Variants in HMCN1 observed in about 807,000 individuals in gnomAD.
The protein encoded by HMCN1 is hemicentin-1.
In HMCN1, 321 loss-of-function variants were observed where a neutral mutation model predicts 625.9. That is an observed-to-expected ratio of 0.51 (90% confidence interval 0.47 to 0.56). The LOEUF (loss-of-function observed/expected upper bound fraction) is 0.56. HMCN1 is among the 20% of genes least tolerant of loss of function. The probability of loss-of-function intolerance (pLI) is 0.00; values close to 1 mark genes in which losing one functional copy is unlikely to be tolerated. For synonymous variants in HMCN1, 2,425 were observed against 2,417.6 expected (o/e 1.00, Z -0.09); for missense variants, 6,588 against 6,887.3 (o/e 0.96, Z 1.54).
chr1:185,887,512 G>A (rs1006232538), intron 4 of HMCN1, among the ~76,000 whole-genome samples: 2 of 149,016 alleles, frequency 1.3e-5, no homozygotes, highest in Non-Finnish European at 3.0e-5. Context: ...CTGTGTCCAT[G>A]TGATATCATT....
intron 23 of HMCN1, 26 bp downstream of exon 23, chr1:185,993,335 A>G (rs763554518): frequency 2.2e-5 from 35 of 1,611,192 alleles, no homozygotes; most frequent in Non-Finnish European, 2.8e-5. Context: ...AGAACATATG[A>G]CAACCCTGTG....
intron 4 of HMCN1, among the ~76,000 whole-genome samples, chr1:185,899,794 T>C (rs1246066779): frequency 6.6e-6 from 1 of 152,066 alleles, no homozygotes; most frequent in Non-Finnish European, 1.5e-5. Flanking sequence ...TGTAAGTTAC[T>C]ACAGGCAGGC....
intron 2 of HMCN1, among the ~76,000 whole-genome samples, chr1:185,854,325 C>T (rs1662334066): frequency 6.6e-6 from 1 of 152,002 alleles, no homozygotes; most frequent in Non-Finnish European, 1.5e-5. Flanking sequence ...ATTGTGGAGT[C>T]CTAGTATTGG....
At chr1:186,186,627 A>T (rs1388295186) in intron 105 of HMCN1, among the ~76,000 whole-genome samples, 1 of 152,152 alleles carries the variant, frequency 6.6e-6, no homozygotes, top group African/African-American at 2.4e-5. Flanking sequence ...CAATATTCTT[A>T]TTCTCTGTTT....
At chr1:186,094,446 G>A (rs973742788) in intron 67 of HMCN1, 73 bp downstream of exon 67, 40 of 1,029,094 alleles carry the variant, frequency 3.9e-5, no homozygotes, top group Admixed American at 5.4e-5. Context: ...TTTAGAAACC[G>A]ACTTCCTCAG....
chr1:185,917,194 G>A (rs1357267073), intron 6 of HMCN1, among the ~76,000 whole-genome samples: 2 of 152,044 alleles, frequency 1.3e-5, no homozygotes, highest in African/African-American at 4.8e-5. Flanking sequence ...TTTTTTGTTA[G>A]AGGGGAATTT....
At chr1:186,139,146 G>C (rs1292478334) in intron 89 of HMCN1, among the ~76,000 whole-genome samples, 1 of 152,208 alleles carries the variant, frequency 6.6e-6, no homozygotes, top group Non-Finnish European at 1.5e-5. Context: ...CTATTGTGCA[G>C]ATGAGGAAAG....
chr1:185,815,458 G>A (rs1290135273), intron 1 of HMCN1, among the ~76,000 whole-genome samples: 2 of 150,112 alleles, frequency 1.3e-5, no homozygotes, highest in African/African-American at 2.5e-5. Flanking sequence ...TCTCATCCAT[G>A]CTGCCTATAA....
chr1:185,750,378 T>A (rs1190106841), intron 1 of HMCN1, among the ~76,000 whole-genome samples: 1 of 152,238 alleles, frequency 6.6e-6, no homozygotes, highest in East Asian at 1.9e-4. Flanking sequence ...TATCAGTTAT[T>A]GTCCAATTGA....
In HMCN1 at chr1:185,835,890, A is replaced by G. The variant is rs919294794; in HGVS notation, c.269-10136A>G. 2.0e-5 allele frequency among the ~76,000 whole-genome samples: 3 copies of G among 152,282 alleles called. No individual in the cohort carries two copies. In the East Asian group the frequency reaches 5.8e-4, roughly 29 times the overall value. ...GTAGATTTCAGTGTTAGAAGTCTGA[A>G]CAGTGTTTCATTTCACTCAATGAAA... On this transcript the variant is annotated intron_variant, in intron 1 of 106. Transcript: ENST00000271588.
rs1449567869 is a variant in HMCN1, at chr1:186,166,193, A to T, written c.15329A>T (p.Glu5110Val). ...TTGTTTCTTCTTTAAGATGAGGATG[A>T]ATGTGCAGCAGGGAATCCCTGCTCC... ...SVGPFCADED[E>V]CAAGNPCSHS... is the part of the protein sequence containing the mutation. The change falls in exon 99 of 107, where the codon GAA (glutamate) becomes GTA (valine). Residue 5110 changes from glutamate (E) to valine (V), a missense_variant. This residue lies in a region of HMCN1 where 1,954 missense variants were observed against 2,013.1 expected (regional missense o/e 0.97). Coordinates refer to ENST00000271588, the MANE Select transcript of HMCN1 (RefSeq NM_031935.3). 1 of 1,614,116 alleles carries T rather than the reference A, an allele frequency of 6.2e-7. No homozygotes were observed. Among genetic ancestry groups the T allele is most frequent in the South Asian group, 1.1e-5 (1 of 91,090 alleles).
intron 7 of HMCN1, 37 bp from the exon 8 acceptor site, chr1:185,923,353 G>A (rs77812080): frequency 6.5e-7 from 1 of 1,527,572 alleles, no homozygotes; most frequent in East Asian, 2.3e-5. Context: ...TCAATTGCTT[G>A]TTTCTTGTAA....
rs567769340 is a variant in HMCN1 at position 185,889,452 on chromosome 1, T to C, written c.622-19885T>C. Among the ~76,000 whole-genome samples, 5 of 146,446 alleles carry C rather than the reference T, an allele frequency of 3.4e-5. No individual in the cohort carries two copies. In the East Asian group the frequency reaches 9.7e-4, roughly 28 times the overall value. On this transcript the variant is annotated intron_variant, in intron 4 of 106. Transcript: ENST00000271588. ...TATGATACTGGCTGTGGGTTTGTCA[T>C]AGATAGCTCTTATTATTTTGAAATA...
intron 39 of HMCN1, among the ~76,000 whole-genome samples, chr1:186,040,336 ACAT>A (rs1656124044): frequency 2.0e-5 from 3 of 152,182 alleles, no homozygotes; most frequent in Non-Finnish European, 4.4e-5. Context: ...TATAATTAAA[ACAT>A]CACGAGAAAT....
intron 4 of HMCN1, among the ~76,000 whole-genome samples, chr1:185,896,136 C>T (rs1332008335): frequency 3.9e-5 from 6 of 152,006 alleles, no homozygotes; most frequent in African/African-American, 9.7e-5. Flanking sequence ...CAGGGTTTCA[C>T]GGTGTTAGCC....
chr1:185,783,449 G>C (rs1367508872), intron 1 of HMCN1, among the ~76,000 whole-genome samples: 1 of 151,994 alleles, frequency 6.6e-6, no homozygotes, highest in Non-Finnish European at 1.5e-5. Context: ...CAGTTTTTCT[G>C]CTCTGTTTTT....
chr1:186,123,626 A>T (rs1408177617), intron 81 of HMCN1, among the ~76,000 whole-genome samples: 1 of 152,166 alleles, frequency 6.6e-6, no homozygotes, highest in African/African-American at 2.4e-5. Flanking sequence ...GAATTAGGAG[A>T]TCTATTTGAT....
chr1:185,919,594 A>G (rs1217238494), intron 6 of HMCN1, among the ~76,000 whole-genome samples: 2 of 152,160 alleles, frequency 1.3e-5, no homozygotes, highest in Non-Finnish European at 2.9e-5. Flanking sequence ...CAGAAGTTCC[A>G]TATAACTCTC....
chr1:186,086,775 TAGATAGATAGATAGATAGATGA>T (rs1659500692), intron 58 of HMCN1, among the ~76,000 whole-genome samples: 1 of 121,336 alleles, frequency 8.2e-6, no homozygotes, highest in African/African-American at 2.8e-5. Context: ...GATAGATAGG[TAGATAGATAGATAGATAGATGA>T]TAGATAGATA....
Sources: allele counts gnomAD v4.1 joint callset (sites outside exome capture counted in the v4.1 genomes callset), GRCh38; gene constraint gnomAD v4.1.1; regional missense constraint gnomAD v4.1.1; transcripts MANE v1.5; gene names NCBI Gene and HGNC (gene_info 2026-07-23, HGNC 2026-07-21).